Variants in MECR observed in about 807,000 individuals in gnomAD.
MECR encodes the protein mitochondrial trans-2-enoyl-CoA reductase.
A neutral mutation model predicts 49.1 loss-of-function variants in MECR; 37 were observed. That is an observed-to-expected ratio of 0.75 (90% confidence interval 0.58 to 0.99). MECR has a LOEUF of 0.99. Among genes scored for constraint, MECR ranks in the 50% least tolerant of loss-of-function variants. MECR has a pLI of 0.00. For synonymous variants in MECR, 198 were observed against 191.1 expected (o/e 1.04, Z -0.30); for missense variants, 470 against 479.6 (o/e 0.98, Z 0.19).
the MECR span, chr1:29,168,703 C>T: frequency 1.3e-5 from 2 of 152,148 alleles, no homozygotes; most frequent in African/African-American, 4.8e-5. Flanking sequence ...CCCATATCAA[C>T]CCCCGGAGTC....
At chr1:29,175,630 G>A in the MECR span, among the ~76,000 whole-genome samples, 5 of 127,782 alleles carry the variant, frequency 3.9e-5, no homozygotes, top group Admixed American at 3.7e-4. Flanking sequence ...AGGAGGCGGA[G>A]CTTGCAGTGA....
In MECR at chr1:29,193,236, C is replaced by T. The variant is rs770581808; in HGVS notation, c.*786G>A. The T allele has an allele frequency of 1.7e-4, 31 of 186,484 alleles. No homozygotes were observed. Among genetic ancestry groups the T allele is most frequent in the Middle Eastern group, 3.1e-3 (1 of 320 alleles). 11.6% of individuals were successfully genotyped at this position (186,484 alleles called of 1,614,324 possible). A position where few individuals can be genotyped will look rare whatever the true frequency, so the allele number is the denominator to read the frequency against. On this transcript the variant is annotated 3_prime_UTR_variant, in exon 10 of 10. Transcript: ENST00000263702. ...CTGGGATTACAGGTGTGAGCCACCGCGCCAGGCCTTGGGTAATTCTTTGTT... is the reference window on the plus strand; with the variant it reads ...CTGGGATTACAGGTGTGAGCCACCGTGCCAGGCCTTGGGTAATTCTTTGTT...
rs1247159505 is a variant in MECR at position 29,193,969 on chromosome 1, C to T, written c.*53G>A. The T allele has an allele frequency of 6.2e-7, 1 of 1,602,838 alleles. No individual in the cohort carries two copies. Among genetic ancestry groups the T allele is most frequent in the Non-Finnish European group, 8.5e-7 (1 of 1,172,494 alleles). ...GAGCCCCAACTGAGGGGCCTGCACCCAGCCCCTCAGATCCGCCTCCCCTCC... is the reference window on the plus strand; with the variant it reads ...GAGCCCCAACTGAGGGGCCTGCACCTAGCCCCTCAGATCCGCCTCCCCTCC... On this transcript the variant is annotated 3_prime_UTR_variant, in exon 10 of 10. Transcript: ENST00000263702.
chr1:29,168,097 C>A, the MECR span, among the ~76,000 whole-genome samples: 1 of 151,658 alleles, frequency 6.6e-6, no homozygotes, highest in African/African-American at 2.4e-5. Context: ...CTCACTGCAA[C>A]CTCTGACCCT....
intron 1 of MECR, among the ~76,000 whole-genome samples, chr1:29,225,433 TAGGTA>T (rs1180811872): frequency 1.3e-5 from 2 of 152,096 alleles, no homozygotes; most frequent in Non-Finnish European, 2.9e-5. Flanking sequence ...CCGAGGGGGT[TAGGTA>T]ACCCCCTTCT....
chr1:29,206,734 C>T (rs772934449), intron 4 of MECR, 28 bp downstream of exon 4: 6 of 1,612,428 alleles, frequency 3.7e-6, no homozygotes, highest in Non-Finnish European at 8.5e-7. Context: ...GAGACCCTGG[C>T]CTGCTCCCCC....
intron 1 of MECR, among the ~76,000 whole-genome samples, chr1:29,230,009 G>T (rs551711922): frequency 2.6e-5 from 4 of 152,298 alleles, no homozygotes; most frequent in South Asian, 2.1e-4. Flanking sequence ...CTACTAAGAC[G>T]TTGAGCCTGT....
In MECR at chr1:29,201,300, G is replaced by A. The variant is rs781412081; in HGVS notation, c.756+643C>T. The A allele has an allele frequency of 2.7e-5, 13 of 482,922 alleles. No homozygotes were observed. The highest frequency in any genetic ancestry group is 3.3e-5 in the Non-Finnish European group (8 of 240,172). 29.9% of individuals were successfully genotyped at this position (482,922 alleles called of 1,614,324 possible). The stretch of plus-strand genomic sequence containing the variant: ...TGCTTCAGAAATGTTCGCAAGAAGC[G>A]CATGCTCTTGAGTGTGTGTCTTTGG... On this transcript the variant is annotated intron_variant, in intron 6 of 9. Transcript: ENST00000263702. The surrounding 1 kb of genome is among the most constrained non-coding windows in gnomAD (Gnocchi z 4.3).
chr1:29,194,233 G>A, intron 9 of MECR, 54 bp from the exon 10 acceptor site: 1 of 1,547,154 alleles, frequency 6.5e-7, no homozygotes, highest in Non-Finnish European at 8.7e-7. Context: ...GGCTTGGTGA[G>A]ATGTGGCACG....
At chr1:29,197,483 T>C (rs994042356) in intron 7 of MECR, among the ~76,000 whole-genome samples, 1 of 152,172 alleles carries the variant, frequency 6.6e-6, no homozygotes, top group Non-Finnish European at 1.5e-5. Context: ...CTAACATAAT[T>C]TTTAAGTGAA....
intron 1 of MECR, among the ~76,000 whole-genome samples, chr1:29,227,750 T>C (rs985550050): frequency 1.1e-4 from 16 of 152,184 alleles, no homozygotes; most frequent in Admixed American, 2.0e-4. Context: ...CCAGGATGTG[T>C]AAAGGACACC....
At chr1:29,187,282 C>T in the MECR span, among the ~76,000 whole-genome samples, 7 of 151,898 alleles carry the variant, frequency 4.6e-5, no homozygotes, top group South Asian at 6.3e-4. Context: ...GGTGAGATCT[C>T]GGCTTACTGC....
At position 29,216,612 on chromosome 1, in the gene MECR, G is replaced by C; in HGVS notation, c.250C>G (p.Pro84Ala). 1 of 1,614,176 alleles carries C rather than the reference G, an allele frequency of 6.2e-7. No homozygotes were observed. The highest frequency in any genetic ancestry group is 8.5e-7 in the Non-Finnish European group (1 of 1,180,022). The change falls in exon 2 of 10, where the codon CCA becomes GCA. Residue 84 changes from proline (P) to alanine (A), a missense_variant. Transcript: ENST00000263702. ...RVKMLAAPINPSDINMIQGNY... is the reference protein window; with the variant it reads ...RVKMLAAPINASDINMIQGNY... Reference sequence around the variant, plus strand: ...CCTTGGATCATATTTATGTCAGATGGATTGATAGGGGCCGCCAGCATCTTC... The same window carrying C: ...CCTTGGATCATATTTATGTCAGATGCATTGATAGGGGCCGCCAGCATCTTC...
chr1:29,194,184 G>C lies in MECR; in HGVS notation c.965-5C>G. The C allele has an allele frequency of 6.3e-7, 1 of 1,598,284 alleles. No individual in the cohort carries two copies. The highest frequency in any genetic ancestry group is 1.1e-5 in the South Asian group (1 of 88,886). On this transcript the variant is annotated splice_polypyrimidine_tract_variant and splice_region_variant and intron_variant, in intron 9 of 9. Coordinates refer to ENST00000263702, the MANE Select transcript of MECR (RefSeq NM_016011.5). ...GGATCAGCTCCTTGAACTGGTCTGC[G>C]GGAGGTTGGAGGAAATCAGACAAGA...
At position 29,230,868 on chromosome 1, in the gene MECR, G is replaced by T. The variant is rs758861205; in HGVS notation, c.39C>A (p.Pro13=). The T allele has an allele frequency of 7.5e-6, 12 of 1,607,608 alleles. 1 individual carries two copies. In the South Asian group the frequency reaches 1.3e-4, roughly 18 times the overall value. ...VCSTLWRVRT[P]ARQWRGLLPA... ...GGAGCAGCCCCCGCCACTGCCGGGCGGGGGTTCGCACCCGCCACAGGGTAC... is the reference window on the plus strand; with the variant it reads ...GGAGCAGCCCCCGCCACTGCCGGGCTGGGGTTCGCACCCGCCACAGGGTAC... The change falls in exon 1 of 10, where the codon CCC becomes CCA. Residue 13 remains proline, a synonymous_variant. Coordinates refer to ENST00000263702, the MANE Select transcript of MECR (RefSeq NM_016011.5).
intron 1 of MECR, among the ~76,000 whole-genome samples, chr1:29,225,883 G>C (rs1186854436): frequency 6.6e-6 from 1 of 152,170 alleles, no homozygotes; most frequent in African/African-American, 2.4e-5. Flanking sequence ...AGACAGAATG[G>C]GTAGGCCGGG....
chr1:29,219,304 A>G (rs926637531), intron 1 of MECR, among the ~76,000 whole-genome samples: 1 of 152,350 alleles, frequency 6.6e-6, no homozygotes, highest in East Asian at 1.9e-4. Context: ...AGATCATCAG[A>G]GTTTTTCTGT....
chr1:29,191,748 C>A (rs1413788998), downstream of MECR, among the ~76,000 whole-genome samples: 1 of 152,192 alleles, frequency 6.6e-6, no homozygotes, highest in Non-Finnish European at 1.5e-5. Context: ...ATAAAAGATG[C>A]TTCCAAAGAA....
chr1:29,227,863 G>A (rs1182559589), intron 1 of MECR, among the ~76,000 whole-genome samples: 8 of 152,240 alleles, frequency 5.3e-5, no homozygotes, highest in Middle Eastern at 3.4e-3. Context: ...AAGTAAAGCC[G>A]CCTGAATCTG....
Sources: gnomAD v4.1 joint callset for allele counts (sites outside exome capture counted in the v4.1 genomes callset) on GRCh38, gnomAD v4.1.1 for gene constraint, Gnocchi (gnomAD v3.1) non-coding constraint, MANE v1.5 for transcripts, NCBI Gene and HGNC (gene_info 2026-07-23, HGNC 2026-07-21) for gene names.